The following NIPAL3 variants were observed in gnomAD, a reference collection of about 807,000 sequenced individuals.
NIPAL3 encodes the protein NIPA-like protein 3.
A neutral mutation model predicts 47.2 loss-of-function variants in NIPAL3; 41 were observed. The observed-to-expected ratio is 0.87, with a 90% CI of 0.68 to 1.13. NIPAL3 has a LOEUF of 1.13. NIPAL3 is among the 50% of genes most tolerant of loss of function. NIPAL3 has a pLI of 0.00. For missense variants in NIPAL3, 449 were observed against 530.1 expected, an observed-to-expected ratio of 0.85 and a Z score of 1.50; for synonymous variants, 194 against 209.6, an observed-to-expected ratio of 0.93 and a Z score of 0.64.
In NIPAL3 at chr1:24,423,864, C is replaced by T. The variant is rs146213565; in HGVS notation, c.93+4224C>T. Among the ~76,000 whole-genome samples, 794 of 152,174 alleles carry T rather than the reference C, an allele frequency of 5.2e-3. 4 individuals carry two copies. Among genetic ancestry groups the T allele is most frequent in the Non-Finnish European group, 8.2e-3 (560 of 68,004 alleles). On this transcript the variant is annotated intron_variant, in intron 2 of 11. Transcript: ENST00000374399. ...GATTTAGAGCAGGGAAAATATTGAT[C>T]TGGGGTGTGAGAGTTTATTTAATAA... is the stretch of plus-strand genomic sequence containing the variant.
rs747182647 is a variant in NIPAL3 at position 24,469,155 on chromosome 1, C to T, written c.1191C>T (p.Tyr397=). 1.2e-6 allele frequency: 2 copies of T among 1,613,958 alleles called. No individual in the cohort carries two copies. Among genetic ancestry groups the T allele is most frequent in the Admixed American group, 3.3e-5 (2 of 60,016 alleles). Residue 397 remains tyrosine, a synonymous_variant, in exon 12 of 12, where the codon TAC becomes TAT. Coordinates refer to ENST00000374399, the MANE Select transcript of NIPAL3 (RefSeq NM_020448.5). The stretch of plus-strand genomic sequence containing the variant: ...CCAGAAGTGCCTCTGGGGTCCCCTA[C>T]CGAGTCCTAGAGCACACCAAGAAGG... ...HGSRSASGVP[Y]RVLEHTKKE
intron 2 of NIPAL3, among the ~76,000 whole-genome samples, chr1:24,430,950 A>G (rs954888691): frequency 2.6e-5 from 4 of 152,272 alleles, no homozygotes; most frequent in Non-Finnish European, 5.9e-5. Context: ...ATTTTATTTT[A>G]GAACAAGCTT....
rs755308307 is a variant in NIPAL3, at chr1:24,449,488, C to T, written c.402C>T (p.Tyr134=). ...AGCCTCTCTTCCCCGCAGGGCGCTACGTCTTGTCCTTTGTTGGCTGCGGTT... is the reference window on the plus strand; with the variant it reads ...AGCCTCTCTTCCCCGCAGGGCGCTATGTCTTGTCCTTTGTTGGCTGCGGTT... The part of the protein sequence containing the change: ...KWKPKDFLRR[Y]VLSFVGCGLA... Residue 134 remains tyrosine (Y), a synonymous_variant, in exon 6 of 12, where the codon TAC becomes TAT. Coordinates refer to ENST00000374399, the MANE Select transcript of NIPAL3 (RefSeq NM_020448.5). The surrounding 1 kb of genome is among the most constrained non-coding windows in gnomAD (Gnocchi z 4.5). The T allele has an allele frequency of 9.3e-6, 15 of 1,613,292 alleles. No individual in the cohort carries two copies. Among genetic ancestry groups the T allele is most frequent in the Admixed American group, 5.0e-5 (3 of 60,002 alleles).
At position 24,453,521 on chromosome 1, in the gene NIPAL3, A is replaced by ATGATT; in HGVS notation, c.637+18_637+22dup. 1 of 1,599,880 alleles carries ATGATT rather than the reference A, an allele frequency of 6.3e-7. No individual in the cohort carries two copies. Among genetic ancestry groups the ATGATT allele is most frequent in the East Asian group, 2.2e-5 (1 of 44,730 alleles). On this transcript the variant is annotated intron_variant, in intron 7 of 11. Transcript: ENST00000374399. ...CGTTACTTGGTAAGTTGGCATCTGG[A>ATGATT]TGATTGAGTTTTGCCACCACCAAGA...
At chr1:24,457,125 G>A (rs1000282600) in intron 8 of NIPAL3, among the ~76,000 whole-genome samples, 2 of 152,132 alleles carry the variant, frequency 1.3e-5, no homozygotes, top group African/African-American at 4.8e-5. Flanking sequence ...GCAGATGATC[G>A]TCTCAGGGGC....
Position 24,450,722 on chromosome 1 carries a change from C to T in NIPAL3, c.540+1096C>T, listed in dbSNP as rs561065876. Among the ~76,000 whole-genome samples, 8 of 152,272 alleles carry T rather than the reference C, an allele frequency of 5.3e-5. No individual in the cohort carries two copies. The South Asian group carries it at 8.3e-4, about 16-fold the overall frequency. On this transcript the variant is annotated intron_variant, in intron 6 of 11. Coordinates refer to ENST00000374399, the MANE Select transcript of NIPAL3 (RefSeq NM_020448.5). ...TAAAAGCAGGGTTGGATTTGAAGGCCGGGCCCACCTGGCCTCAGGTGCCAT... is the reference window on the plus strand; with the variant it reads ...TAAAAGCAGGGTTGGATTTGAAGGCTGGGCCCACCTGGCCTCAGGTGCCAT...
At chr1:24,441,706 T>C (rs929183661) in intron 3 of NIPAL3, among the ~76,000 whole-genome samples, 1 of 152,188 alleles carries the variant, frequency 6.6e-6, no homozygotes, top group African/African-American at 2.4e-5. Flanking sequence ...CTTTAGACTA[T>C]GGCTCCCACC....
chr1:24,414,863 C>G (rs6687848), upstream of NIPAL3: 2 of 152,026 alleles, frequency 1.3e-5, no homozygotes, highest in African/African-American at 2.4e-5. Flanking sequence ...GTCCCTGGCC[C>G]GTCCCTCAGA....
chr1:24,465,436 T>TAG (rs1420891325), intron 11 of NIPAL3: 1 of 152,108 alleles, frequency 6.6e-6, no homozygotes, highest in African/African-American at 2.4e-5. Context: ...TATATATATA[T>TAG]ATATATAGAT....
At chr1:24,457,700 C>T (rs1170096472) in intron 8 of NIPAL3, 2 of 527,886 alleles carry the variant, frequency 3.8e-6, no homozygotes, top group East Asian at 5.5e-5. Context: ...CCAGCCCATG[C>T]CCTCACTGCT....
At chr1:24,464,147 C>G (rs371315022) in intron 11 of NIPAL3, 27 bp downstream of exon 11, 26 of 1,569,360 alleles carry the variant, frequency 1.7e-5, no homozygotes, top group Non-Finnish European at 2.3e-5. Context: ...GTGGGTCTAG[C>G]TGAACATCCA....
chr1:24,450,469 C>T lies in NIPAL3; in HGVS notation c.540+843C>T, dbSNP rs188180730. On this transcript the variant is annotated intron_variant, in intron 6 of 11. Coordinates refer to ENST00000374399, the MANE Select transcript of NIPAL3 (RefSeq NM_020448.5). ...AACCCCTCCGCCAGAGCTCAGTCCT[C>T]TGCCCCAGTTCTATCCCATTTTAAG... 2.6e-5 allele frequency among the ~76,000 whole-genome samples: 4 copies of T among 152,352 alleles called. No homozygotes were observed. In the East Asian group the frequency reaches 5.8e-4, roughly 22 times the overall value.
At chr1:24,453,957 T>A in intron 7 of NIPAL3, 1 of 436,700 alleles carries the variant, frequency 2.3e-6, no homozygotes, top group South Asian at 1.7e-5. Flanking sequence ...TTTCTTTTCC[T>A]TTTAGAGGGA....
chr1:24,430,222 G>C (rs982880812), intron 2 of NIPAL3, among the ~76,000 whole-genome samples: 1 of 148,986 alleles, frequency 6.7e-6, no homozygotes, highest in East Asian at 1.9e-4. Context: ...TGGTATAGCA[G>C]TATCACTAAA....
intron 5 of NIPAL3, among the ~76,000 whole-genome samples, chr1:24,448,566 G>A (rs1426647958): frequency 1.3e-5 from 2 of 151,954 alleles, no homozygotes; most frequent in African/African-American, 4.8e-5. Flanking sequence ...TTTTTAGTTT[G>A]CCCATAAAGT....
At chr1:24,438,918 C>T (rs758186629) in intron 2 of NIPAL3, among the ~76,000 whole-genome samples, 4 of 152,126 alleles carry the variant, frequency 2.6e-5, no homozygotes, top group Admixed American at 1.3e-4. Context: ...CCCAGCAATT[C>T]CACTTACAAG....
At chr1:24,413,849 GT>G (rs1445559764), upstream of NIPAL3, 1 of 152,238 alleles carries the variant, frequency 6.6e-6, no homozygotes, top group African/African-American at 2.4e-5. Flanking sequence ...GCGTTTCAAA[GT>G]CCGCAGAGAA....
At chr1:24,430,593 A>G (rs1644834640) in intron 2 of NIPAL3, among the ~76,000 whole-genome samples, 1 of 152,206 alleles carries the variant, frequency 6.6e-6, no homozygotes, top group Non-Finnish European at 1.5e-5. Context: ...GTTACATGCT[A>G]AAAGTCACAT....
intron 2 of NIPAL3, among the ~76,000 whole-genome samples, chr1:24,426,070 A>G (rs1570200464): frequency 6.6e-6 from 1 of 152,196 alleles, no homozygotes; most frequent in East Asian, 1.9e-4. Flanking sequence ...TTATAACCCC[A>G]TTTTACCTGT....
Sources: allele counts gnomAD v4.1 joint callset (sites outside exome capture counted in the v4.1 genomes callset), GRCh38; gene constraint gnomAD v4.1.1; non-coding constraint Gnocchi (gnomAD v3.1); transcripts MANE v1.5; gene names NCBI Gene and HGNC (gene_info 2026-07-23, HGNC 2026-07-21).